Variants in MPP7 observed in about 807,000 individuals in gnomAD.
MPP7 encodes MAGUK p55 subfamily member 7.
MPP7 carries 60 observed loss-of-function variants against 76.5 expected under a neutral mutation model. The observed-to-expected ratio is 0.78, with a 90% CI of 0.64 to 0.97. The LOEUF (loss-of-function observed/expected upper bound fraction) is 0.97, where lower values mean the gene tolerates loss of function less well. Ranked by LOEUF, MPP7 falls within the 50% of genes least tolerant of loss-of-function variation. The pLI is 0.00. For synonymous variants in MPP7, 237 were observed against 244.5 expected, an observed-to-expected ratio of 0.97 and a Z score of 0.29; for missense variants, 641 against 694.0, an observed-to-expected ratio of 0.92 and a Z score of 0.86.
intron 2 of MPP7, among the ~76,000 whole-genome samples, chr10:28,318,972 C>T (rs1392718735): frequency 6.6e-6 from 1 of 152,132 alleles, no homozygotes; most frequent in Non-Finnish European, 1.5e-5. Flanking sequence ...TTCCTTGAAA[C>T]ATATTTGAAT....
At chr10:28,209,548 T>A (rs1378071907) in intron 2 of MPP7, among the ~76,000 whole-genome samples, 1 of 152,172 alleles carries the variant, frequency 6.6e-6, no homozygotes, top group Admixed American at 6.5e-5. Context: ...TTCGATGTTC[T>A]TTCTGTTGTT....
chr10:28,107,186 C>T (rs1457986148), intron 11 of MPP7, among the ~76,000 whole-genome samples: 1 of 152,066 alleles, frequency 6.6e-6, no homozygotes, highest in Non-Finnish European at 1.5e-5. Context: ...GTGCTCTTTC[C>T]GTGCTATTTT....
chr10:28,121,426 G>C (rs1184095289), intron 8 of MPP7, among the ~76,000 whole-genome samples: 1 of 151,630 alleles, frequency 6.6e-6, no homozygotes, highest in Non-Finnish European at 1.5e-5. Flanking sequence ...AAAAAATAAA[G>C]AACATTCATA....
chr10:28,299,456 T>C (rs1841102682), intron 1 of MPP7, among the ~76,000 whole-genome samples: 1 of 152,162 alleles, frequency 6.6e-6, no homozygotes, highest in Non-Finnish European at 1.5e-5. Flanking sequence ...GTGCAGTTCA[T>C]GGAGCCCCAA....
At chr10:28,205,993 A>G (rs1837938287) in intron 2 of MPP7, among the ~76,000 whole-genome samples, 1 of 152,184 alleles carries the variant, frequency 6.6e-6, no homozygotes, top group East Asian at 1.9e-4. Flanking sequence ...CCTTTCTGCC[A>G]TGGATGACAC....
intron 1 of MPP7, among the ~76,000 whole-genome samples, chr10:28,259,134 A>C (rs1839874467): frequency 6.6e-6 from 1 of 152,210 alleles, no homozygotes; most frequent in African/African-American, 2.4e-5. Flanking sequence ...ACAGCTGTTT[A>C]TCAGTCACCT....
chr10:28,281,814 C>T (rs1840681774), intron 1 of MPP7, among the ~76,000 whole-genome samples: 1 of 152,010 alleles, frequency 6.6e-6, no homozygotes, highest in South Asian at 2.1e-4. Context: ...CAGCAATAAG[C>T]AGGGCTGGAA....
At chr10:28,224,244 A>G (rs942340417) in intron 2 of MPP7, among the ~76,000 whole-genome samples, 2 of 152,148 alleles carry the variant, frequency 1.3e-5, no homozygotes, top group African/African-American at 4.8e-5. Context: ...AACTGTAAGC[A>G]ATGCTGGAGA....
intron 12 of MPP7, among the ~76,000 whole-genome samples, chr10:28,073,739 C>G (rs1245135689): frequency 6.6e-6 from 1 of 151,858 alleles, no homozygotes; most frequent in Non-Finnish European, 1.5e-5. Context: ...CACTGCACTC[C>G]AGCCTGGTGA....
chr10:28,214,216 A>T (rs1407030720), intron 2 of MPP7, among the ~76,000 whole-genome samples: 1 of 152,114 alleles, frequency 6.6e-6, no homozygotes, highest in Non-Finnish European at 1.5e-5. Flanking sequence ...TTCTCCTCAA[A>T]TTCTTTTCCA....
chr10:28,320,044 T>C (rs558860974), intron 2 of MPP7, among the ~76,000 whole-genome samples: 5 of 152,302 alleles, frequency 3.3e-5, no homozygotes, highest in Admixed American at 1.3e-4. Context: ...TCTATTGAAG[T>C]TCCCAAGGGA....
intron 6 of MPP7, among the ~76,000 whole-genome samples, chr10:28,126,174 A>T (rs1835011835): frequency 1.3e-5 from 2 of 152,330 alleles, no homozygotes; most frequent in African/African-American, 4.8e-5. Flanking sequence ...AGTGACAGGC[A>T]TTTTACGGCA....
chr10:28,081,181 C>A (rs1362826647), intron 12 of MPP7, among the ~76,000 whole-genome samples: 1 of 152,196 alleles, frequency 6.6e-6, no homozygotes, highest in African/African-American at 2.4e-5. Context: ...CCCAGCCAGA[C>A]AGAACAAGTC....
At chr10:28,172,112 G>T (rs182699892) in intron 3 of MPP7, among the ~76,000 whole-genome samples, 1 of 152,190 alleles carries the variant, frequency 6.6e-6, no homozygotes, top group African/African-American at 2.4e-5. Context: ...ATTGGCCTAC[G>T]GAGAAGGACG....
At chr10:28,329,144 A>T (rs766787446) in intron 2 of MPP7, among the ~76,000 whole-genome samples, 1 of 152,188 alleles carries the variant, frequency 6.6e-6, no homozygotes, top group Non-Finnish European at 1.5e-5. Flanking sequence ...TTTATTGGTT[A>T]ATTTAGATAG....
At chr10:28,136,819 T>C (rs537257740) in intron 5 of MPP7, among the ~76,000 whole-genome samples, 1 of 152,042 alleles carries the variant, frequency 6.6e-6, no homozygotes, top group Non-Finnish European at 1.5e-5. Context: ...GAAAATATAC[T>C]GAGAAATTAT....
chr10:28,082,640 T>C lies in MPP7; in HGVS notation c.1123+7031A>G, dbSNP rs371291926. ...CCTGGCTAATTTTATTTTATTTTGTTTTGTTTTTTATAAAGATGGAGTCTC... is the reference window on the plus strand; with the variant it reads ...CCTGGCTAATTTTATTTTATTTTGTCTTGTTTTTTATAAAGATGGAGTCTC... On this transcript the variant is annotated intron_variant, in intron 12 of 16. Coordinates refer to ENST00000683449, the MANE Select transcript of MPP7 (RefSeq NM_001318170.2). Among the ~76,000 whole-genome samples, 58 of 152,262 alleles carry C rather than the reference T, an allele frequency of 3.8e-4. 1 individual carries two copies. The highest frequency in any genetic ancestry group is 1.4e-3 in the African/African-American group (57 of 41,568).
In MPP7 at chr10:28,281,695, G is replaced by A. The variant is rs190132643; in HGVS notation, c.-132+21166C>T. Among the ~76,000 whole-genome samples, 321 of 152,092 alleles carry A rather than the reference G, an allele frequency of 2.1e-3. 4 individuals carry two copies. Among genetic ancestry groups the A allele is most frequent in the Middle Eastern group, 0.014 (4 of 294 alleles). ...CACTAAATACTTCTAATGTGTTATCGGATTTAATTCTCACTACCAACTTTT... is the reference window on the plus strand; with the variant it reads ...CACTAAATACTTCTAATGTGTTATCAGATTTAATTCTCACTACCAACTTTT... On this transcript the variant is annotated intron_variant, in intron 1 of 16. Transcript: ENST00000683449.
intron 1 of MPP7, among the ~76,000 whole-genome samples, chr10:28,278,784 C>A (rs1840579465): frequency 6.8e-6 from 1 of 146,966 alleles, no homozygotes; most frequent in Non-Finnish European, 1.5e-5. Flanking sequence ...AAGTATATTT[C>A]AAACGTTATC....
Sources: allele counts gnomAD v4.1 joint callset (sites outside exome capture counted in the v4.1 genomes callset), GRCh38; gene constraint gnomAD v4.1.1; transcripts MANE v1.5; gene names NCBI Gene and HGNC (gene_info 2026-07-23, HGNC 2026-07-21).